The following MCCC1 variants were observed in gnomAD, a reference collection of about 807,000 sequenced individuals.
The protein encoded by MCCC1 is methylcrotonoyl-CoA carboxylase subunit alpha, mitochondrial.
In MCCC1, 64 loss-of-function variants were observed where a neutral mutation model predicts 83.8. That is an observed-to-expected ratio of 0.76 (90% CI 0.62 to 0.94). The LOEUF (loss-of-function observed/expected upper bound fraction) is 0.94. Ranked by LOEUF, MCCC1 falls within the 40% of genes least tolerant of loss-of-function variation. The pLI is 0.00. For missense variants in MCCC1, 807 were observed against 904.7 expected, an observed-to-expected ratio of 0.89 and a Z score of 1.39; for synonymous variants, 322 against 315.4, an observed-to-expected ratio of 1.02 and a Z score of -0.22.
chr3:183,090,498 A>G (rs1254822384), intron 3 of MCCC1, among the ~76,000 whole-genome samples: 1 of 152,194 alleles, frequency 6.6e-6, no homozygotes, highest in Non-Finnish European at 1.5e-5. Flanking sequence ...GAATGATTGA[A>G]TCAAGCCAAT....
intron 8 of MCCC1, among the ~76,000 whole-genome samples, chr3:183,054,602 G>C (rs1199155530): frequency 2.0e-5 from 3 of 152,052 alleles, no homozygotes; most frequent in Admixed American, 1.3e-4. Context: ...AAAAGTTATA[G>C]CAAGCTAAGG....
At chr3:183,054,902 A>G (rs1017139937) in intron 8 of MCCC1, among the ~76,000 whole-genome samples, 1 of 152,212 alleles carries the variant, frequency 6.6e-6, no homozygotes, top group Non-Finnish European at 1.5e-5. Flanking sequence ...GTACAGTAAC[A>G]TGCTGTATAT....
At chr3:183,034,924 G>A (rs1713439997) in intron 13 of MCCC1, among the ~76,000 whole-genome samples, 1 of 151,910 alleles carries the variant, frequency 6.6e-6, no homozygotes, top group African/African-American at 2.4e-5. Flanking sequence ...ATTACAGGTG[G>A]GTGCCACCAC....
At chr3:183,102,758 G>GTT (rs566199257), upstream of MCCC1, among the ~76,000 whole-genome samples, 3 of 52,168 alleles carry the variant, frequency 5.8e-5, no homozygotes, top group African/African-American at 2.1e-4. Flanking sequence ...AGCAGAGAAA[G>GTT]TTTTTTTTTT....
intron 16 of MCCC1, 143 bp from the exon 17 acceptor site, chr3:183,020,380 C>T: frequency 2.8e-6 from 2 of 710,208 alleles, no homozygotes; most frequent in East Asian, 2.9e-5. Flanking sequence ...GATTGTAAAC[C>T]CAGCACTTTG....
intron 9 of MCCC1, among the ~76,000 whole-genome samples, chr3:183,050,734 A>G (rs1714915548): frequency 6.6e-6 from 1 of 151,098 alleles, no homozygotes; most frequent in East Asian, 1.9e-4. Flanking sequence ...AAAGAAAGGG[A>G]AAGTTGAGAA....
At chr3:183,055,125 C>CATTAAAAAGGATAAAAA (rs1560239056) in intron 8 of MCCC1, among the ~76,000 whole-genome samples, 2 of 151,970 alleles carry the variant, frequency 1.3e-5, no homozygotes, top group East Asian at 3.9e-4. Context: ...AAAAGCTGGC[C>CATTAAAAAGGATAAAAA]GGGTGCGGTG....
chr3:183,099,516 A>C (rs1294099818), upstream of MCCC1: 6 of 1,526,898 alleles, frequency 3.9e-6, no homozygotes, highest in Non-Finnish European at 5.3e-6. Context: ...CCGTTCCTCC[A>C]CTACGAAGCC....
chr3:183,058,504 C>T (rs1033375214), intron 7 of MCCC1, among the ~76,000 whole-genome samples: 30 of 152,150 alleles, frequency 2.0e-4, no homozygotes, highest in Middle Eastern at 3.4e-3. Context: ...TGCCTGTAGT[C>T]CTAGCCACTC....
At chr3:183,062,985 A>T (rs1224212144) in intron 7 of MCCC1, among the ~76,000 whole-genome samples, 1 of 151,138 alleles carries the variant, frequency 6.6e-6, no homozygotes, top group African/African-American at 2.4e-5. Flanking sequence ...CCATTTTCCT[A>T]TTTACATTTT....
At chr3:183,019,821 A>C (rs1439201669) in intron 17 of MCCC1, among the ~76,000 whole-genome samples, 1 of 152,238 alleles carries the variant, frequency 6.6e-6, no homozygotes, top group Non-Finnish European at 1.5e-5. Flanking sequence ...AACATTCAAA[A>C]CCAGCTTTTT....
At chr3:183,113,995 A>G (rs1719547383) in intron 1 of MCCC1, among the ~76,000 whole-genome samples, 1 of 152,118 alleles carries the variant, frequency 6.6e-6, no homozygotes, top group Non-Finnish European at 1.5e-5. Flanking sequence ...TTTCTCCCTT[A>G]GCTAAGAGAA....
upstream of MCCC1, among the ~76,000 whole-genome samples, chr3:183,099,929 A>G (rs578128289): frequency 6.6e-6 from 1 of 152,362 alleles, no homozygotes; most frequent in South Asian, 2.1e-4. Context: ...ACCTGAGCTT[A>G]AAACAGGTAT....
At chr3:183,047,594 A>G (rs1273203840) in intron 9 of MCCC1, among the ~76,000 whole-genome samples, 2 of 152,186 alleles carry the variant, frequency 1.3e-5, no homozygotes, top group Non-Finnish European at 2.9e-5. Flanking sequence ...ACAACATGCA[A>G]GAACAGATAG....
chr3:183,044,051 A>C (rs1291112609), intron 10 of MCCC1, among the ~76,000 whole-genome samples: 2 of 152,162 alleles, frequency 1.3e-5, no homozygotes, highest in Non-Finnish European at 2.9e-5. Flanking sequence ...AATTAGAACC[A>C]CCAATCACCC....
At chr3:183,079,244 A>G (rs140762932) in intron 4 of MCCC1, among the ~76,000 whole-genome samples, 1,701 of 152,304 alleles carry the variant, frequency 0.011, 35 homozygotes, top group African/African-American at 0.039. Flanking sequence ...ACAGTCCAAC[A>G]TCTCGTCTGA....
At chr3:183,074,574 G>A (rs1031242150) in intron 4 of MCCC1, among the ~76,000 whole-genome samples, 2 of 152,138 alleles carry the variant, frequency 1.3e-5, no homozygotes, top group African/African-American at 4.8e-5. Context: ...AAAGGGGTAA[G>A]CTTCACATAT....
intron 10 of MCCC1, among the ~76,000 whole-genome samples, chr3:183,042,139 A>G (rs1250856814): frequency 6.6e-6 from 1 of 152,224 alleles, no homozygotes; most frequent in Non-Finnish European, 1.5e-5. Context: ...AAAATAGTAT[A>G]TTATTAGTGT....
In MCCC1 at chr3:183,099,493, C is replaced by T. The variant is rs112372115; in HGVS notation, c.-53G>A. On this transcript the variant is annotated 5_prime_UTR_variant, in exon 1 of 19. Coordinates refer to ENST00000265594, the MANE Select transcript of MCCC1 (RefSeq NM_020166.5). Reference sequence around the variant, plus strand: ...TCCCCAGTACAGAGGCAGCTGCGTCCCACACGCCAAACCCGTTCCTCCACT... The same window carrying T: ...TCCCCAGTACAGAGGCAGCTGCGTCTCACACGCCAAACCCGTTCCTCCACT... The T allele has an allele frequency of 8.3e-4, 1,289 of 1,558,018 alleles. 7 individuals carry two copies. In the African/African-American group the frequency reaches 0.015, roughly 18 times the overall value.
Sources: gnomAD v4.1 joint callset for allele counts (sites outside exome capture counted in the v4.1 genomes callset) on GRCh38, gnomAD v4.1.1 for gene constraint, MANE v1.5 for transcripts, NCBI Gene and HGNC (gene_info 2026-07-23, HGNC 2026-07-21) for gene names.